Variants in KCNMA1 observed in about 807,000 individuals in gnomAD.
The protein encoded by KCNMA1 is Calcium-activated potassium channel subunit alpha-1.
A neutral mutation model predicts 140.0 loss-of-function variants in KCNMA1; 29 were observed. The observed-to-expected ratio is 0.21, with a 90% CI of 0.15 to 0.28. The LOEUF is 0.28. Among genes scored for constraint, KCNMA1 ranks in the 10% least tolerant of loss-of-function variants. The pLI is 1.00. For missense variants in KCNMA1, 880 were observed against 1,602.2 expected (o/e 0.55, Z 7.70); for synonymous variants, 612 against 611.9 (o/e 1.00, Z 0.00).
chr10:77,599,099 G>A (rs1603638116), intron 1 of KCNMA1, among the ~76,000 whole-genome samples: 1 of 152,274 alleles, frequency 6.6e-6, no homozygotes, highest in East Asian at 1.9e-4. Context: ...CAAAATAAAG[G>A]TATCTGCCTT....
At chr10:77,546,150 C>T (rs1204527827) in intron 1 of KCNMA1, among the ~76,000 whole-genome samples, 1 of 152,198 alleles carries the variant, frequency 6.6e-6, no homozygotes, top group Non-Finnish European at 1.5e-5. Context: ...TTTTCTCACT[C>T]CCTTCTCATT....
intron 1 of KCNMA1, among the ~76,000 whole-genome samples, chr10:77,470,332 C>T (rs939060065): frequency 6.6e-6 from 1 of 152,116 alleles, no homozygotes; most frequent in Non-Finnish European, 1.5e-5. Context: ...GGAGGTGAGG[C>T]CCGGAAACGT....
intron 1 of KCNMA1, among the ~76,000 whole-genome samples, chr10:77,483,429 G>A (rs909494401): frequency 6.6e-6 from 1 of 152,162 alleles, no homozygotes; most frequent in Non-Finnish European, 1.5e-5. Flanking sequence ...TCATCCATGT[G>A]GGGCTCATCG....
intron 23 of KCNMA1, among the ~76,000 whole-genome samples, chr10:76,941,216 AAAG>A: frequency 6.6e-6 from 1 of 151,836 alleles, no homozygotes. Context: ...AAAGAAAAGA[AAAG>A]AAAAAAAATG....
chr10:77,206,817 G>T (rs2044275782), intron 3 of KCNMA1, among the ~76,000 whole-genome samples: 1 of 116,688 alleles, frequency 8.6e-6, no homozygotes. Flanking sequence ...CAGGGAGGGA[G>T]GGGGGGGCGG....
rs532951686 is a variant in KCNMA1 at position 77,090,224 on chromosome 10, T to C, written c.1334+176A>G. On this transcript the variant is annotated intron_variant, in intron 10 of 27. Coordinates refer to ENST00000286628, the MANE Select transcript of KCNMA1 (RefSeq NM_001161352.2). ...TCATTGAACCAGTGTGTTGCTTCCC[T>C]TTCCATTGGTTCTGCAATATCTTCT... Among the ~76,000 whole-genome samples, 4 of 152,180 alleles carry C rather than the reference T, an allele frequency of 2.6e-5. 1 individual carries two copies. Among genetic ancestry groups the C allele is most frequent in the Admixed American group, 2.6e-4 (4 of 15,286 alleles).
At chr10:77,139,571 G>A in intron 5 of KCNMA1, among the ~76,000 whole-genome samples, 1 of 152,142 alleles carries the variant, frequency 6.6e-6, no homozygotes, top group East Asian at 1.9e-4. Flanking sequence ...CCTAAACTAG[G>A]TTTCAAAGGG....
intron 5 of KCNMA1, among the ~76,000 whole-genome samples, chr10:77,122,570 G>T (rs1716495327): frequency 6.6e-6 from 1 of 151,852 alleles, no homozygotes; most frequent in African/African-American, 2.4e-5. Context: ...AAAAAAAGAT[G>T]AAACTTCAGA....
chr10:76,974,883 T>C (rs2077033817), intron 19 of KCNMA1, among the ~76,000 whole-genome samples: 1 of 152,158 alleles, frequency 6.6e-6, no homozygotes, highest in Non-Finnish European at 1.5e-5. Flanking sequence ...CACCGAAAAC[T>C]CAGTTTAGCA....
chr10:77,529,658 G>C (rs142355325), intron 1 of KCNMA1, among the ~76,000 whole-genome samples: 4 of 152,088 alleles, frequency 2.6e-5, no homozygotes, highest in African/African-American at 7.2e-5. Context: ...AGAAAAATTA[G>C]TTATGAAGAA....
rs554850009 is a variant in KCNMA1 at position 77,092,885 on chromosome 10, T to C, written c.1224-2375A>G. On this transcript the variant is annotated intron_variant, in intron 9 of 27. Coordinates refer to ENST00000286628, the MANE Select transcript of KCNMA1 (RefSeq NM_001161352.2). The stretch of plus-strand genomic sequence containing the variant: ...ATCCCTAGGAAAGATGTGTGAGAAG[T>C]GCAAGGGGAAAAGATGAGTTCCCCC... Among the ~76,000 whole-genome samples, 3 of 152,288 alleles carry C rather than the reference T, an allele frequency of 2.0e-5. No individual in the cohort carries two copies. The East Asian group carries it at 5.8e-4, about 29-fold the overall frequency.
At chr10:77,096,906 C>T (rs1401310434) in intron 9 of KCNMA1, among the ~76,000 whole-genome samples, 1 of 152,110 alleles carries the variant, frequency 6.6e-6, no homozygotes, top group East Asian at 1.9e-4. Flanking sequence ...CCATTGGTAG[C>T]CCCTGACATG....
chr10:77,260,248 G>T lies in KCNMA1; in HGVS notation c.541-8992C>A, dbSNP rs199845060. ...GGGGGAGCTGAGGTTGAGAATAGAA[G>T]AGGACAGGGCCATCCCTGAATAGGG... On this transcript the variant is annotated intron_variant, in intron 2 of 27. Coordinates refer to ENST00000286628, the MANE Select transcript of KCNMA1 (RefSeq NM_001161352.2). 2.0e-4 allele frequency among the ~76,000 whole-genome samples: 30 copies of T among 152,288 alleles called. No individual in the cohort carries two copies. The East Asian group carries it at 5.4e-3, about 27-fold the overall frequency.
rs746250658 is a variant in KCNMA1, at chr10:77,110,290, G to A, written c.1014C>T (p.Thr338=). Residue 338 remains threonine, a synonymous_variant, in exon 8 of 28, where the codon ACC becomes ACT. Transcript: ENST00000286628. ...WENFQNNQAL[T]YWECVYLLMV... ...TGAGTAAATAGACACATTCCCAGTA[G>A]GTGAGAGCCTGGTTGTTTTGGAAAT... 12 of 1,613,856 alleles carry A rather than the reference G, an allele frequency of 7.4e-6. No homozygotes were observed. In the East Asian group the frequency reaches 2.7e-4, roughly 36 times the overall value.
chr10:77,586,487 T>A (rs1217422594), intron 1 of KCNMA1: 2 of 152,174 alleles, frequency 1.3e-5, no homozygotes, highest in African/African-American at 4.8e-5. Flanking sequence ...AAAATAGAGA[T>A]GCAGCAATAA....
chr10:77,183,783 G>A (rs1048898817), intron 4 of KCNMA1, among the ~76,000 whole-genome samples: 1 of 151,926 alleles, frequency 6.6e-6, no homozygotes, highest in African/African-American at 2.4e-5. Context: ...CACTGCACTC[G>A]GCCTATTTCT....
At chr10:77,351,849 C>A (rs2092924085) in intron 2 of KCNMA1, among the ~76,000 whole-genome samples, 1 of 152,190 alleles carries the variant, frequency 6.6e-6, no homozygotes, top group South Asian at 2.1e-4. Flanking sequence ...GCTTTAAAAG[C>A]AACCCTGTTC....
At chr10:77,395,135 C>T (rs1362687203) in intron 2 of KCNMA1, among the ~76,000 whole-genome samples, 4 of 151,926 alleles carry the variant, frequency 2.6e-5, no homozygotes, top group African/African-American at 9.7e-5. Context: ...TTGCCTGGGC[C>T]CAGGGGTTCA....
At chr10:77,188,998 C>T (rs1431315008) in intron 3 of KCNMA1, among the ~76,000 whole-genome samples, 2 of 152,076 alleles carry the variant, frequency 1.3e-5, no homozygotes, top group Non-Finnish European at 2.9e-5. Flanking sequence ...GTCTGGCTGC[C>T]GAACCCTGTG....
Sources: gnomAD v4.1 joint callset for allele counts (sites outside exome capture counted in the v4.1 genomes callset) on GRCh38, gnomAD v4.1.1 for gene constraint, MANE v1.5 for transcripts, NCBI Gene and HGNC (gene_info 2026-07-23, HGNC 2026-07-21) for gene names.